NRG3: variants seen among roughly 807,000 people sequenced by gnomAD.
NRG3 encodes pro-neuregulin-3, membrane-bound isoform.
Under a neutral mutation model 66.9 loss-of-function variants are expected in NRG3, and 31 were observed. The ratio of observed to expected loss-of-function variants is 0.46; its 90% CI spans 0.35 to 0.63. The LOEUF (loss-of-function observed/expected upper bound fraction) is 0.63, where lower values mean the gene tolerates loss of function less well. NRG3 is among the 20% of genes least tolerant of loss of function. The pLI is 0.00. For missense variants in NRG3, 910 were observed against 878.9 expected (o/e 1.04, Z -0.45); for synonymous variants, 393 against 359.4 (o/e 1.09, Z -1.06).
At chr10:82,880,570 T>A (rs1275697275) in intron 4 of NRG3, among the ~76,000 whole-genome samples, 2 of 152,142 alleles carry the variant, frequency 1.3e-5, no homozygotes, top group Non-Finnish European at 2.9e-5. Flanking sequence ...CCTAGGAGCA[T>A]AATATAAAAT....
chr10:82,575,358 T>G (rs1400383899), intron 2 of NRG3, among the ~76,000 whole-genome samples: 1 of 151,494 alleles, frequency 6.6e-6, no homozygotes, highest in African/African-American at 2.4e-5. Context: ...AATAAAAGAT[T>G]TAGAGCTGTG....
At position 82,985,662 on chromosome 10, in the gene NRG3, T is replaced by A; in HGVS notation, c.*57T>A. ...TTTGCTCAACAGGAAAGAGAGGAAA[T>A]CAAATACAAATTATTTATATGCATT... On this transcript the variant is annotated 3_prime_UTR_variant, in exon 9 of 9. Coordinates refer to ENST00000372141, the MANE Select transcript of NRG3 (RefSeq NM_001010848.4). The A allele has an allele frequency of 6.5e-7, 1 of 1,532,636 alleles. No homozygotes were observed. 94.9% of individuals were successfully genotyped at this position (1,532,636 alleles called of 1,614,324 possible).
intron 4 of NRG3, among the ~76,000 whole-genome samples, chr10:82,918,850 T>C (rs1846133057): frequency 1.3e-5 from 2 of 152,200 alleles, no homozygotes; most frequent in South Asian, 4.1e-4. Flanking sequence ...TTTTTTTAGA[T>C]TAAAAGGAGC....
chr10:82,452,393 A>T (rs1404181398), intron 2 of NRG3, among the ~76,000 whole-genome samples: 3 of 152,220 alleles, frequency 2.0e-5, no homozygotes, highest in African/African-American at 7.2e-5. Context: ...TATAAGATTT[A>T]CCTTGTAATG....
chr10:82,931,760 G>A (rs1054064430), intron 4 of NRG3, among the ~76,000 whole-genome samples: 2 of 152,146 alleles, frequency 1.3e-5, no homozygotes, highest in Non-Finnish European at 2.9e-5. Flanking sequence ...TTGCACGGGA[G>A]TCTCCTGCAG....
chr10:82,365,055 A>G (rs2084434874), intron 2 of NRG3, among the ~76,000 whole-genome samples: 1 of 152,188 alleles, frequency 6.6e-6, no homozygotes, highest in African/African-American at 2.4e-5. Context: ...TCATTGCGTA[A>G]CGACAATTCT....
chr10:82,222,120 A>C (rs1342853956), intron 1 of NRG3, among the ~76,000 whole-genome samples: 2 of 151,992 alleles, frequency 1.3e-5, no homozygotes, highest in African/African-American at 4.8e-5. Flanking sequence ...AAATCATGTC[A>C]TGTTATTCAG....
intron 1 of NRG3, among the ~76,000 whole-genome samples, chr10:82,203,011 G>A (rs1236776699): frequency 6.6e-6 from 1 of 152,154 alleles, no homozygotes; most frequent in African/African-American, 2.4e-5. Context: ...GCACATTAGG[G>A]AGGACATGAA....
chr10:82,981,249 T>A (rs2132668156), intron 8 of NRG3, among the ~76,000 whole-genome samples: 1 of 152,298 alleles, frequency 6.6e-6, no homozygotes, highest in South Asian at 2.1e-4. Flanking sequence ...TGGTGGTGGT[T>A]TTGTTTTGGT....
chr10:82,005,800 A>T (rs1023455381), intron 1 of NRG3, among the ~76,000 whole-genome samples: 8 of 152,104 alleles, frequency 5.3e-5, no homozygotes, highest in Admixed American at 1.3e-4. Context: ...GCTTTCTTTC[A>T]GATTACTTTT....
chr10:82,249,825 G>C (rs2077404345), intron 1 of NRG3, among the ~76,000 whole-genome samples: 1 of 152,100 alleles, frequency 6.6e-6, no homozygotes, highest in African/African-American at 2.4e-5. Flanking sequence ...TATCACATTT[G>C]GCTTAGGTTA....
intron 2 of NRG3, among the ~76,000 whole-genome samples, chr10:82,518,910 G>T (rs1015335887): frequency 6.6e-6 from 1 of 152,128 alleles, no homozygotes; most frequent in Non-Finnish European, 1.5e-5. Context: ...AACACCAAGA[G>T]ATTTGATAAT....
intron 2 of NRG3, among the ~76,000 whole-genome samples, chr10:82,463,734 A>G (rs1229021633): frequency 2.0e-5 from 3 of 152,158 alleles, no homozygotes; most frequent in Non-Finnish European, 2.9e-5. Flanking sequence ...CAACCCCTCA[A>G]CTGCCTGAAT....
chr10:82,453,402 AGAAG>A (rs2091112420), intron 2 of NRG3, among the ~76,000 whole-genome samples: 1 of 152,162 alleles, frequency 6.6e-6, no homozygotes, highest in African/African-American at 2.4e-5. Flanking sequence ...CTTACAGATA[AGAAG>A]GAAGAGTCTG....
At chr10:82,618,176 T>C (rs1185057072) in intron 2 of NRG3, among the ~76,000 whole-genome samples, 1 of 152,190 alleles carries the variant, frequency 6.6e-6, no homozygotes, top group Non-Finnish European at 1.5e-5. Flanking sequence ...TCTTTGACTT[T>C]GGCAGGGAAC....
At chr10:82,404,771 A>G (rs920079447) in intron 2 of NRG3, among the ~76,000 whole-genome samples, 1 of 152,190 alleles carries the variant, frequency 6.6e-6, no homozygotes, top group Non-Finnish European at 1.5e-5. Context: ...TTAATGCGCT[A>G]TAATGAACAT....
chr10:82,709,251 A>C (rs1889709), intron 2 of NRG3, among the ~76,000 whole-genome samples: 37,172 of 152,080 alleles, frequency 0.24, 4,713 homozygotes, highest in Middle Eastern at 0.36. Context: ...GGCAGCTCTC[A>C]TGCATCTTGA....
intron 1 of NRG3, among the ~76,000 whole-genome samples, chr10:82,312,934 T>C (rs921693766): frequency 6.6e-6 from 1 of 152,146 alleles, no homozygotes; most frequent in Non-Finnish European, 1.5e-5. Context: ...TCCAGCACTT[T>C]GGGAGGTCAA....
At chr10:82,409,378 A>T (rs2087872141) in intron 2 of NRG3, among the ~76,000 whole-genome samples, 1 of 152,180 alleles carries the variant, frequency 6.6e-6, no homozygotes, top group African/African-American at 2.4e-5. Flanking sequence ...CTTATTTATA[A>T]ATAATAAATT....
Sources: gnomAD v4.1 joint callset for allele counts (sites outside exome capture counted in the v4.1 genomes callset) on GRCh38, gnomAD v4.1.1 for gene constraint, MANE v1.5 for transcripts, NCBI Gene and HGNC (gene_info 2026-07-23, HGNC 2026-07-21) for gene names.